The following OXSR1 variants were observed in gnomAD, a reference collection of about 807,000 sequenced individuals.
The protein encoded by OXSR1 is oxidative stress responsive kinase 1.
A neutral mutation model predicts 79.8 loss-of-function variants in OXSR1; 24 were observed. The observed-to-expected ratio is 0.30, with a 90% CI of 0.22 to 0.42. The LOEUF is 0.42. OXSR1 is among the 10% of genes least tolerant of loss of function. OXSR1 has a pLI of 1.00. For synonymous variants in OXSR1, 226 were observed against 209.2 expected, an observed-to-expected ratio of 1.08 and a Z score of -0.69; for missense variants, 430 against 618.4, an observed-to-expected ratio of 0.70 and a Z score of 3.23.
chr3:38,238,232 T>A (rs1702959115), intron 11 of OXSR1, among the ~76,000 whole-genome samples: 1 of 152,156 alleles, frequency 6.6e-6, no homozygotes. Context: ...AGACCATGAA[T>A]TCTTTTTAAG....
intron 14 of OXSR1, among the ~76,000 whole-genome samples, chr3:38,247,993 G>T (rs1703178746): frequency 6.6e-6 from 1 of 152,142 alleles, no homozygotes; most frequent in Admixed American, 6.6e-5. Flanking sequence ...TGTATTTACA[G>T]TGTAGCTAGT....
chr3:38,164,840 A>C (rs1038879276), upstream of OXSR1, among the ~76,000 whole-genome samples: 1 of 152,032 alleles, frequency 6.6e-6, no homozygotes, highest in South Asian at 2.1e-4. Context: ...GCGCCGCGAC[A>C]AGCGTTAGAG....
intron 1 of OXSR1, among the ~76,000 whole-genome samples, chr3:38,167,829 A>G (rs1003397746): frequency 5.9e-5 from 9 of 152,110 alleles, no homozygotes; most frequent in Non-Finnish European, 1.3e-4. Context: ...ATTAAATGGA[A>G]GATTCCAAAA....
At chr3:38,166,120 G>C (rs555874050) in intron 1 of OXSR1, among the ~76,000 whole-genome samples, 174 bp downstream of exon 1, 65 of 152,086 alleles carry the variant, frequency 4.3e-4, no homozygotes, top group Non-Finnish European at 7.5e-4. Flanking sequence ...AGACGGGAAG[G>C]GGGTTTTGAG....
chr3:38,190,767 A>C lies in OXSR1; in HGVS notation c.220A>C (p.Asn74His), dbSNP rs1422999486. The C allele has an allele frequency of 6.2e-7, 1 of 1,606,582 alleles. No individual in the cohort carries two copies. Among genetic ancestry groups the C allele is most frequent in the Non-Finnish European group, 8.5e-7 (1 of 1,173,404 alleles). The stretch of plus-strand genomic sequence containing the variant: ...AGCCATGAGTCAATGCCATCATCCT[A>C]ATATTGTATCTTACTACACATCTTT... The part of the protein sequence containing the change: ...IQAMSQCHHP[N>H]IVSYYTSFVV... The change falls in exon 3 of 18, where the codon AAT becomes CAT. Residue 74 changes from asparagine to histidine, a missense_variant. Asn to His is a moderately conservative substitution (Grantham distance 68, BLOSUM62 1). Coordinates refer to ENST00000311806, the MANE Select transcript of OXSR1 (RefSeq NM_005109.3).
intron 3 of OXSR1, among the ~76,000 whole-genome samples, chr3:38,197,764 G>C (rs1702094173): frequency 6.6e-6 from 1 of 152,102 alleles, no homozygotes; most frequent in South Asian, 2.1e-4. Flanking sequence ...ATTTTTTCTT[G>C]TTAAAGTGTG....
chr3:38,213,664 G>C (rs1357986034), intron 4 of OXSR1, among the ~76,000 whole-genome samples: 1 of 152,136 alleles, frequency 6.6e-6, no homozygotes, highest in African/African-American at 2.4e-5. Context: ...AGGTGTGTAG[G>C]AACTCCTGTG....
chr3:38,197,560 T>C (rs568453111), intron 3 of OXSR1, among the ~76,000 whole-genome samples: 28 of 152,236 alleles, frequency 1.8e-4, no homozygotes, highest in Admixed American at 3.9e-4. Context: ...ACTTTTTCTT[T>C]TTCTGCTATC....
chr3:38,201,509 G>A (rs1227706136), intron 4 of OXSR1, among the ~76,000 whole-genome samples: 1 of 152,112 alleles, frequency 6.6e-6, no homozygotes, highest in Non-Finnish European at 1.5e-5. Context: ...AGAAGATTGA[G>A]ACCATCCTGG....
chr3:38,243,050 T>A (rs956842644), intron 12 of OXSR1, among the ~76,000 whole-genome samples: 7 of 141,200 alleles, frequency 5.0e-5, no homozygotes, highest in Middle Eastern at 3.4e-3. Context: ...TTATTTATTT[T>A]GAGACAGGGT....
intron 5 of OXSR1, among the ~76,000 whole-genome samples, chr3:38,217,074 CACTG>C (rs1277545316): frequency 6.6e-6 from 1 of 152,008 alleles, no homozygotes; most frequent in African/African-American, 2.4e-5. Flanking sequence ...ATAAAAAACT[CACTG>C]AGAGAAAAAA....
intron 8 of OXSR1, 153 bp downstream of exon 8, chr3:38,224,857 G>T (rs974096419): frequency 1.9e-6 from 1 of 540,502 alleles, no homozygotes; most frequent in Non-Finnish European, 3.2e-6. Flanking sequence ...GATTGGAAAT[G>T]AATTGATTTC....
intron 14 of OXSR1, 31 bp from the exon 15 acceptor site, chr3:38,249,935 C>G (rs189680673): frequency 2.3e-6 from 3 of 1,315,282 alleles, no homozygotes; most frequent in Non-Finnish European, 3.3e-6. Flanking sequence ...TTTAGAAATT[C>G]TTATTTTATG....
chr3:38,215,849 G>A (rs569058564), intron 4 of OXSR1, among the ~76,000 whole-genome samples: 60 of 152,142 alleles, frequency 3.9e-4, no homozygotes, highest in African/African-American at 1.3e-3. Context: ...CTTTTATCCC[G>A]ATCAAGAATA....
chr3:38,218,556 T>C (rs1053906358), intron 5 of OXSR1, among the ~76,000 whole-genome samples: 1 of 152,108 alleles, frequency 6.6e-6, no homozygotes, highest in Non-Finnish European at 1.5e-5. Context: ...GTAGGAGTTC[T>C]TTACATATTT....
chr3:38,167,458 A>G (rs2125797081), intron 1 of OXSR1, among the ~76,000 whole-genome samples: 1 of 152,344 alleles, frequency 6.6e-6, no homozygotes, highest in South Asian at 2.1e-4. Flanking sequence ...ATCCTGCCCT[A>G]AAATTAGTTT....
intron 4 of OXSR1, among the ~76,000 whole-genome samples, chr3:38,199,409 A>T: frequency 6.6e-6 from 1 of 151,828 alleles, no homozygotes; most frequent in South Asian, 2.1e-4. Flanking sequence ...TTTAATTTTC[A>T]TAAAGATGGG....
chr3:38,183,618 C>G (rs1701827702), intron 2 of OXSR1, among the ~76,000 whole-genome samples: 1 of 152,060 alleles, frequency 6.6e-6, no homozygotes, highest in Non-Finnish European at 1.5e-5. Context: ...GTGGAATATC[C>G]TTTGAAAGGC....
intron 14 of OXSR1, among the ~76,000 whole-genome samples, chr3:38,249,007 T>C (rs999709581): frequency 6.6e-6 from 1 of 152,180 alleles, no homozygotes; most frequent in African/African-American, 2.4e-5. Context: ...TCAGGTAGTA[T>C]ATACATGCAG....
Sources: allele counts gnomAD v4.1 joint callset (sites outside exome capture counted in the v4.1 genomes callset), GRCh38; gene constraint gnomAD v4.1.1; transcripts MANE v1.5; gene names NCBI Gene and HGNC (gene_info 2026-07-23, HGNC 2026-07-21).